The following VPS53 variants were observed in gnomAD, a reference collection of about 807,000 sequenced individuals.
The protein encoded by VPS53 is VPS53 subunit of GARP complex.
VPS53 carries 70 observed loss-of-function variants against 107.0 expected under a neutral mutation model. The observed-to-expected ratio is 0.65, with a 90% CI of 0.54 to 0.80. VPS53 has a LOEUF of 0.80. Among genes scored for constraint, VPS53 ranks in the 30% least tolerant of loss-of-function variants. VPS53 has a pLI of 0.00. For missense variants in VPS53, 917 were observed against 1,049.4 expected, an observed-to-expected ratio of 0.87 and a Z score of 1.74; for synonymous variants, 409 against 393.3, an observed-to-expected ratio of 1.04 and a Z score of -0.47.
chr17:629,888 A>C (rs1969880253), intron 8 of VPS53, among the ~76,000 whole-genome samples: 1 of 152,026 alleles, frequency 6.6e-6, no homozygotes, highest in Non-Finnish European at 1.5e-5. Context: ...GTTGTTAAAG[A>C]GAACCATTTT....
intron 13 of VPS53, among the ~76,000 whole-genome samples, chr17:583,473 A>G (rs1177778377): frequency 1.3e-5 from 2 of 150,556 alleles, no homozygotes; most frequent in East Asian, 2.0e-4. Context: ...AACCTTCCTC[A>G]GGACCTAATG....
chr17:528,749 C>T (rs1909308008), intron 19 of VPS53, among the ~76,000 whole-genome samples: 1 of 152,012 alleles, frequency 6.6e-6, no homozygotes, highest in South Asian at 2.1e-4. Context: ...CAGGTGCACA[C>T]CACCATGTAC....
intron 2 of VPS53, among the ~76,000 whole-genome samples, chr17:701,531 C>T (rs912660925): frequency 6.6e-6 from 1 of 151,792 alleles, no homozygotes; most frequent in Non-Finnish European, 1.5e-5. Flanking sequence ...GCACATGCCA[C>T]CACGCCCAGC....
At chr17:598,612 C>T (rs1270255715) in intron 12 of VPS53, among the ~76,000 whole-genome samples, 3 of 149,318 alleles carry the variant, frequency 2.0e-5, no homozygotes, top group South Asian at 4.3e-4. Flanking sequence ...TCTGCCCTGC[C>T]GCCCCGTCTG....
At chr17:597,047 C>A (rs1968008642) in intron 12 of VPS53, among the ~76,000 whole-genome samples, 1 of 152,192 alleles carries the variant, frequency 6.6e-6, no homozygotes, top group South Asian at 2.1e-4. Flanking sequence ...CTTTCAGTGT[C>A]CCTCAGGCTC....
intron 1 of VPS53, 31 bp downstream of exon 1, chr17:714,592 C>G: frequency 6.3e-7 from 1 of 1,589,840 alleles, no homozygotes; most frequent in South Asian, 1.1e-5. Context: ...CCCGCACTCC[C>G]GTTTCCCCTC....
intron 4 of VPS53, among the ~76,000 whole-genome samples, chr17:679,272 T>C (rs367987628): frequency 4.3e-4 from 65 of 151,904 alleles, no homozygotes; most frequent in African/African-American, 1.5e-3. Context: ...TCCCAGCACA[T>C]TGGGAGGCCG....
intron 12 of VPS53, among the ~76,000 whole-genome samples, chr17:587,845 C>A (rs1488050946): frequency 6.6e-6 from 1 of 152,082 alleles, no homozygotes; most frequent in South Asian, 2.1e-4. Context: ...TTTTTAAAAA[C>A]CCACTTTATT....
Position 519,227 on chromosome 17 carries a change from C to T in VPS53, c.2400G>A (p.Gly800=). The T allele has an allele frequency of 6.5e-7, 1 of 1,548,950 alleles. No individual in the cohort carries two copies. Among genetic ancestry groups the T allele is most frequent in the Non-Finnish European group, 8.7e-7 (1 of 1,146,088 alleles). Residue 800 remains glycine (G), a synonymous_variant, in exon 22 of 22, where the codon GGG becomes GGA. Coordinates refer to ENST00000437048, the MANE Select transcript of VPS53 (RefSeq NM_001128159.3). The surrounding 1 kb of genome is among the most constrained non-coding windows in gnomAD (Gnocchi z 5.0). Reference sequence around the variant, plus strand: ...GGGACAGTGAGCCGGAGCTTTCTGCCCCCGAGGGCGGTGCGGGGAGCCGCT... The same window carrying T: ...GGGACAGTGAGCCGGAGCTTTCTGCTCCCGAGGGCGGTGCGGGGAGCCGCT... ...LRQRLPAPPS[G]AESSGSLSLT...
At chr17:619,472 C>T (rs984157713) in intron 11 of VPS53, among the ~76,000 whole-genome samples, 2 of 147,996 alleles carry the variant, frequency 1.4e-5, no homozygotes, top group African/African-American at 5.0e-5. Context: ...CAGGCGTGCA[C>T]CACCACGCCT....
intron 2 of VPS53, among the ~76,000 whole-genome samples, chr17:706,656 T>G (rs1000967890): frequency 5.9e-5 from 9 of 152,194 alleles, no homozygotes; most frequent in African/African-American, 1.7e-4. Context: ...AGACTATATC[T>G]GTCTTGCTCA....
At chr17:554,046 ACAT>A in intron 15 of VPS53, among the ~76,000 whole-genome samples, 1 of 152,266 alleles carries the variant, frequency 6.6e-6, no homozygotes, top group South Asian at 2.1e-4. Context: ...TCAATAATTC[ACAT>A]CAACTCATTC....
chr17:573,738 C>G (rs1914374636), intron 13 of VPS53, among the ~76,000 whole-genome samples: 1 of 152,216 alleles, frequency 6.6e-6, no homozygotes, highest in Non-Finnish European at 1.5e-5. Context: ...CCCAGCCTAG[C>G]AAGCGCGAAG....
At chr17:546,184 C>T (rs1339142536) in intron 17 of VPS53, among the ~76,000 whole-genome samples, 1 of 152,192 alleles carries the variant, frequency 6.6e-6, no homozygotes, top group Admixed American at 6.5e-5. Flanking sequence ...CTTTGCCTCA[C>T]ACCATATGCA....
At chr17:698,490 A>C (rs979399140) in intron 3 of VPS53, among the ~76,000 whole-genome samples, 2 of 151,908 alleles carry the variant, frequency 1.3e-5, no homozygotes, top group African/African-American at 4.8e-5. Context: ...AGATTGCTTG[A>C]GCTCAGCAGT....
At chr17:570,656 T>C (rs1008100151) in intron 13 of VPS53, among the ~76,000 whole-genome samples, 1 of 152,174 alleles carries the variant, frequency 6.6e-6, no homozygotes, top group Non-Finnish European at 1.5e-5. Flanking sequence ...CCTGTGATCC[T>C]AGAGCTATTT....
At chr17:551,062 T>C (rs958152396) in intron 17 of VPS53, among the ~76,000 whole-genome samples, 1 of 151,956 alleles carries the variant, frequency 6.6e-6, no homozygotes, top group Non-Finnish European at 1.5e-5. Flanking sequence ...TAATCAAAGA[T>C]AATACGTAAA....
intron 7 of VPS53, among the ~76,000 whole-genome samples, chr17:643,400 T>TACTCATACTTGGAAAGCGAGGACAAC (rs1567701601): frequency 2.0e-4 from 11 of 55,366 alleles, no homozygotes; most frequent in East Asian, 6.1e-4. Flanking sequence ...CTGAGGACAA[T>TACTCATACTTGGAAAGCGAGGACAAC]ACTCATACTT....
intron 4 of VPS53, among the ~76,000 whole-genome samples, chr17:686,967 C>T (rs527417523): frequency 1.4e-5 from 2 of 141,660 alleles, no homozygotes; most frequent in South Asian, 2.3e-4. Context: ...GGCAACATAG[C>T]GAGACCTCAT....
Sources: allele counts gnomAD v4.1 joint callset (sites outside exome capture counted in the v4.1 genomes callset), GRCh38; gene constraint gnomAD v4.1.1; non-coding constraint Gnocchi (gnomAD v3.1); transcripts MANE v1.5; gene names NCBI Gene and HGNC (gene_info 2026-07-23, HGNC 2026-07-21).